DENND2A: variants seen among roughly 807,000 people sequenced by gnomAD.
DENND2A encodes DENN domain-containing protein 2A.
In DENND2A, 53 loss-of-function variants were observed where a neutral mutation model predicts 105.3. That is an observed-to-expected ratio of 0.50 (90% confidence interval 0.40 to 0.63). The LOEUF is 0.63. Among genes scored for constraint, DENND2A ranks in the 30% least tolerant of loss-of-function variants. The pLI, the probability that DENND2A is intolerant of heterozygous loss-of-function variation, is 0.00. For missense variants in DENND2A, 1,138 were observed against 1,279.6 expected, an observed-to-expected ratio of 0.89 and a Z score of 1.69; for synonymous variants, 522 against 508.4, an observed-to-expected ratio of 1.03 and a Z score of -0.36.
intron 3 of DENND2A, among the ~76,000 whole-genome samples, chr7:140,588,788 C>G (rs115074993): frequency 0.038 from 5,284 of 137,442 alleles, 173 homozygotes; most frequent in African/African-American, 0.1. Flanking sequence ...TTTTTTGAGA[C>G]CTGGAGTGCA....
intron 1 of DENND2A, among the ~76,000 whole-genome samples, chr7:140,628,700 C>T (rs1004991878): frequency 2.6e-5 from 4 of 151,838 alleles, no homozygotes; most frequent in Non-Finnish European, 4.4e-5. Context: ...CCACCACGCC[C>T]GGCCAATTTT....
intron 15 of DENND2A, among the ~76,000 whole-genome samples, chr7:140,526,726 C>G (rs6952999): frequency 0.15 from 22,726 of 152,146 alleles, 2,748 homozygotes; most frequent in African/African-American, 0.33. Context: ...GACCCAGACA[C>G]AAATGCAGGA....
At chr7:140,631,821 G>A (rs745529867) in intron 1 of DENND2A, among the ~76,000 whole-genome samples, 2 of 152,146 alleles carry the variant, frequency 1.3e-5, no homozygotes, top group South Asian at 2.1e-4. Context: ...CCAGGGTGCT[G>A]GAGACATTGC....
chr7:140,584,619 A>G (rs982995113), intron 5 of DENND2A, among the ~76,000 whole-genome samples: 11 of 152,232 alleles, frequency 7.2e-5, no homozygotes, highest in Admixed American at 7.2e-4. Context: ...ATGTAACTCC[A>G]GAAAGTTCAA....
At chr7:140,546,011 C>A (rs1796886720) in intron 13 of DENND2A, among the ~76,000 whole-genome samples, 1 of 152,184 alleles carries the variant, frequency 6.6e-6, no homozygotes, top group South Asian at 2.1e-4. Flanking sequence ...CAGAGGTGAT[C>A]TGGTTTGCTG....
At chr7:140,520,913 T>G (rs1585539099) in intron 18 of DENND2A, among the ~76,000 whole-genome samples, 1 of 145,728 alleles carries the variant, frequency 6.9e-6, no homozygotes, top group Non-Finnish European at 1.5e-5. Context: ...TCATTCTTGT[T>G]GCCCAGGCTG....
chr7:140,582,600 T>G (rs1320112229), intron 5 of DENND2A, among the ~76,000 whole-genome samples: 1 of 152,240 alleles, frequency 6.6e-6, no homozygotes, highest in African/African-American at 2.4e-5. Context: ...TATCTGGGTC[T>G]GTAAGATCCA....
In DENND2A at chr7:140,621,523, G is replaced by A. The variant is rs192087051; in HGVS notation, c.-247-15717C>T. Among the ~76,000 whole-genome samples the A allele has an allele frequency of 4.0e-4, 55 of 136,696 alleles. 1 individual carries two copies. In the East Asian group the frequency reaches 9.3e-3, roughly 23 times the overall value. The allele number at this position is 136,696 out of a possible 152,430, so 89.7% of individuals were successfully genotyped here. ...ATTGTACACATCTGCAATGTAACAC[G>A]TTCTGGAATGTTTTTTTTCTGAGTA... On this transcript the variant is annotated intron_variant, in intron 1 of 19. Transcript: ENST00000496613.
Position 140,588,542 on chromosome 7 carries a change from C to T in DENND2A, c.996-762G>A, listed in dbSNP as rs574329614. ...CAGATAGTCCCTGACTGTCTTATTA[C>T]AGTATAGACAGTCCCTGACTGTGTA... On this transcript the variant is annotated intron_variant, in intron 3 of 19. Coordinates refer to ENST00000496613, the MANE Select transcript of DENND2A (RefSeq NM_015689.5). Among the ~76,000 whole-genome samples, 3 of 152,212 alleles carry T rather than the reference C, an allele frequency of 2.0e-5. No homozygotes were observed. In the South Asian group the frequency reaches 6.2e-4, roughly 32 times the overall value.
Position 140,518,968 on chromosome 7 carries a change from G to A in DENND2A, c.2999-230C>T, listed in dbSNP as rs559459242. Among the ~76,000 whole-genome samples the A allele has an allele frequency of 2.4e-3, 358 of 152,306 alleles. 1 individual carries two copies. Among genetic ancestry groups the A allele is most frequent in the African/African-American group, 8.3e-3 (345 of 41,576 alleles). The stretch of plus-strand genomic sequence containing the variant: ...AAGGAAGACCATCAGAGCTGTCTAG[G>A]AGGGCTGGCTGCTTCTGTGGTAATA... On this transcript the variant is annotated intron_variant, in intron 19 of 19. Coordinates refer to ENST00000496613, the MANE Select transcript of DENND2A (RefSeq NM_015689.5).
chr7:140,625,467 G>C (rs775315306), intron 1 of DENND2A, among the ~76,000 whole-genome samples: 16 of 152,148 alleles, frequency 1.1e-4, no homozygotes, highest in Non-Finnish European at 2.1e-4. Context: ...ATCACTTGAG[G>C]TCAGGAGTTT....
At chr7:140,636,729 C>G (rs1314302276) in intron 1 of DENND2A, among the ~76,000 whole-genome samples, 1 of 148,104 alleles carries the variant, frequency 6.8e-6, no homozygotes, top group Non-Finnish European at 1.5e-5. Flanking sequence ...CTCACTGTCG[C>G]CTAAGCTGGA....
At chr7:140,639,982 GAAGT>G (rs1801125144) in intron 1 of DENND2A, among the ~76,000 whole-genome samples, 1 of 152,242 alleles carries the variant, frequency 6.6e-6, no homozygotes, top group Non-Finnish European at 1.5e-5. Flanking sequence ...CAAAGTGGAA[GAAGT>G]AAGACCATTC....
intron 3 of DENND2A, among the ~76,000 whole-genome samples, chr7:140,595,466 G>T (rs1799244625): frequency 6.6e-6 from 1 of 151,938 alleles, no homozygotes; most frequent in South Asian, 2.1e-4. Context: ...TTCCTCTATG[G>T]ATTAAAAAAG....
At chr7:140,588,354 G>A (rs78177877) in intron 3 of DENND2A, among the ~76,000 whole-genome samples, 5,735 of 152,146 alleles carry the variant, frequency 0.038, 204 homozygotes, top group African/African-American at 0.098. Flanking sequence ...AAACATAGAC[G>A]TAGAAAATAG....
chr7:140,609,694 T>C (rs1799823746), intron 1 of DENND2A, among the ~76,000 whole-genome samples: 1 of 152,208 alleles, frequency 6.6e-6, no homozygotes, highest in Admixed American at 6.5e-5. Flanking sequence ...CTAACATCTA[T>C]AGCTGATTAT....
intron 11 of DENND2A, 66 bp from the exon 12 acceptor site, chr7:140,555,779 T>A (rs1797341828): frequency 1.4e-6 from 2 of 1,432,806 alleles, no homozygotes; most frequent in Non-Finnish European, 1.9e-6. Flanking sequence ...GGAACCCACA[T>A]GTTTTTTGCG....
At chr7:140,545,023 G>A (rs1365064682) in intron 13 of DENND2A, 5 of 309,016 alleles carry the variant, frequency 1.6e-5, no homozygotes, top group African/African-American at 4.5e-5. Flanking sequence ...GTGGACGAAC[G>A]GGATGACAGA....
At position 140,600,400 on chromosome 7, in the gene DENND2A, G is replaced by A. The variant is rs115691207; in HGVS notation, c.995+1003C>T. Among the ~76,000 whole-genome samples the A allele has an allele frequency of 6.0e-3, 911 of 152,122 alleles. 6 individuals are homozygous for A. Among genetic ancestry groups the A allele is most frequent in the African/African-American group, 0.02 (845 of 41,494 alleles). On this transcript the variant is annotated intron_variant, in intron 3 of 19. Transcript: ENST00000496613. ...AAGAAAAGTCTCAGGTCTGGCCCTG[G>A]GTTGAGGTGGGGATAGGTTCGGGGT...
Sources: allele counts gnomAD v4.1 joint callset (sites outside exome capture counted in the v4.1 genomes callset), GRCh38; gene constraint gnomAD v4.1.1; transcripts MANE v1.5; gene names NCBI Gene and HGNC (gene_info 2026-07-23, HGNC 2026-07-21).